TNKS: variants seen among roughly 807,000 people sequenced by gnomAD.
TNKS encodes the protein poly [ADP-ribose] polymerase tankyrase-1.
Under a neutral mutation model 135.8 loss-of-function variants are expected in TNKS, and 72 were observed. The ratio of observed to expected loss-of-function variants is 0.53; its 90% CI spans 0.44 to 0.64. The LOEUF is 0.64. TNKS is among the 30% of genes least tolerant of loss of function. The probability of loss-of-function intolerance (pLI) is 0.00; values close to 1 mark genes in which losing one functional copy is unlikely to be tolerated. For missense variants in TNKS, 1,769 were observed against 1,674.0 expected (o/e 1.06, Z -0.99); for synonymous variants, 849 against 649.3 (o/e 1.31, Z -4.68).
intron 11 of TNKS, among the ~76,000 whole-genome samples, chr8:9,715,540 C>G (rs1321312405): frequency 1.3e-5 from 2 of 151,980 alleles, no homozygotes; most frequent in Non-Finnish European, 2.9e-5. Context: ...CCCAGTACCC[C>G]CCATCTCCTC....
chr8:9,587,303 A>G (rs1425913329), intron 2 of TNKS, among the ~76,000 whole-genome samples: 1 of 152,188 alleles, frequency 6.6e-6, no homozygotes, highest in African/African-American at 2.4e-5. Context: ...TCCCTAAACT[A>G]AGGAATGGGG....
chr8:9,649,260 A>G lies in TNKS; in HGVS notation c.995-30691A>G, dbSNP rs138505654. Among the ~76,000 whole-genome samples, 267 of 152,316 alleles carry G rather than the reference A, an allele frequency of 1.8e-3. 1 individual carries two copies. The highest frequency in any genetic ancestry group is 6.4e-3 in the African/African-American group (265 of 41,566). ...AAAAAGTTTTGACAGCAGTCAGTCA[A>G]CCAATCAAATATGTAGCCGTTTGTG... is the stretch of plus-strand genomic sequence containing the variant. On this transcript the variant is annotated intron_variant, in intron 3 of 26. Transcript: ENST00000310430.
At chr8:9,704,323 T>G (rs1803951583) in intron 5 of TNKS, among the ~76,000 whole-genome samples, 1 of 152,150 alleles carries the variant, frequency 6.6e-6, no homozygotes, top group Admixed American at 6.5e-5. Flanking sequence ...GAAGAATGTT[T>G]CCAATTATAG....
intron 3 of TNKS, among the ~76,000 whole-genome samples, chr8:9,622,990 A>G (rs115298656): frequency 3.9e-5 from 6 of 152,182 alleles, no homozygotes; most frequent in Non-Finnish European, 8.8e-5. Context: ...GAGATTAACA[A>G]CCATACCAAT....
At chr8:9,620,173 C>T (rs1310695427) in intron 3 of TNKS, among the ~76,000 whole-genome samples, 2 of 152,142 alleles carry the variant, frequency 1.3e-5, no homozygotes, top group African/African-American at 2.4e-5. Flanking sequence ...TGGTCTCGAT[C>T]TCCTGACCTC....
intron 5 of TNKS, among the ~76,000 whole-genome samples, chr8:9,684,554 G>C (rs1281361430): frequency 6.6e-6 from 1 of 151,896 alleles, no homozygotes; most frequent in Non-Finnish European, 1.5e-5. Context: ...TAGGGGTTAG[G>C]GACTATTGCA....
intron 2 of TNKS, among the ~76,000 whole-genome samples, chr8:9,581,543 T>C (rs1487177636): frequency 6.6e-6 from 1 of 152,220 alleles, no homozygotes; most frequent in Non-Finnish European, 1.5e-5. Context: ...AAGCCTCTTA[T>C]GTTACTTGCT....
chr8:9,715,367 GC>G (rs67642665), intron 11 of TNKS, among the ~76,000 whole-genome samples: 90,829 of 150,910 alleles, frequency 0.6, 27,499 homozygotes, highest in Middle Eastern at 0.71. Context: ...AGCAGGGGGG[GC>G]GGGTATGATC....
At chr8:9,708,747 C>T (rs1379807449) in intron 9 of TNKS, among the ~76,000 whole-genome samples, 2 of 151,912 alleles carry the variant, frequency 1.3e-5, no homozygotes, top group Non-Finnish European at 2.9e-5. Flanking sequence ...ATAACAAATC[C>T]ACTTTTGTGG....
chr8:9,738,813 C>G (rs1805776668), intron 17 of TNKS, among the ~76,000 whole-genome samples: 1 of 116,380 alleles, frequency 8.6e-6, no homozygotes, highest in Admixed American at 9.4e-5. Context: ...GAGAGCTTTA[C>G]TTCCAACTAT....
chr8:9,624,652 T>A (rs1799989136), intron 3 of TNKS, among the ~76,000 whole-genome samples: 1 of 152,166 alleles, frequency 6.6e-6, no homozygotes, highest in African/African-American at 2.4e-5. Context: ...TTTAACTAGT[T>A]TTTTTAATTA....
intron 3 of TNKS, among the ~76,000 whole-genome samples, chr8:9,621,291 C>A (rs1182796280): frequency 1.4e-5 from 2 of 146,266 alleles, no homozygotes; most frequent in Non-Finnish European, 3.0e-5. Flanking sequence ...GATGTCAAAC[C>A]GAGGCCTTAT....
chr8:9,740,082 A>C (rs1001728573), intron 17 of TNKS, among the ~76,000 whole-genome samples: 14 of 110,460 alleles, frequency 1.3e-4, no homozygotes, highest in African/African-American at 3.9e-4. Flanking sequence ...AAAAAAAAAG[A>C]AAGTCCAGAG....
At chr8:9,688,806 AT>A (rs1267620985) in intron 5 of TNKS, among the ~76,000 whole-genome samples, 2 of 151,928 alleles carry the variant, frequency 1.3e-5, no homozygotes, top group African/African-American at 2.4e-5. Context: ...TACCCAGCTA[AT>A]TTTTTGTATT....
In TNKS at chr8:9,751,646, C is replaced by G; in HGVS notation, c.2870C>G (p.Pro957Arg). 1 of 1,614,082 alleles carries G rather than the reference C, an allele frequency of 6.2e-7. No homozygotes were observed. The highest frequency in any genetic ancestry group is 1.3e-5 in the African/African-American group (1 of 75,010). Residue 957 changes from proline to arginine, a missense_variant, in exon 19 of 27, where the codon CCC (proline) becomes CGC (arginine). By Grantham distance (103) the Pro-to-Arg change is moderately radical (BLOSUM62 -2). This residue lies in a region of TNKS where 722 missense variants were observed against 688.9 expected (regional missense o/e 1.05). Transcript: ENST00000310430. Reference protein sequence around the residue: ...DIRALLIDAMPPEALPTCFKP... With the variant: ...DIRALLIDAMRPEALPTCFKP... The stretch of plus-strand genomic sequence containing the variant: ...AGAGCTTTGCTGATAGATGCCATGC[C>G]CCCAGAGGCCTTACCTACCTGTTTT...
chr8:9,585,327 C>T (rs1320993543), intron 2 of TNKS, among the ~76,000 whole-genome samples: 2 of 151,570 alleles, frequency 1.3e-5, no homozygotes, highest in Admixed American at 6.6e-5. Context: ...AAACCTTACA[C>T]GTGATATGAG....
Position 9,555,994 on chromosome 8 carries a change from C to G in TNKS, c.55C>G (p.Gln19Glu). 2 of 1,613,408 alleles carry G rather than the reference C, an allele frequency of 1.2e-6. No homozygotes were observed. The highest frequency in any genetic ancestry group is 1.7e-6 in the Non-Finnish European group (2 of 1,179,878). ...HHHHHHQQQL[Q>E]PAPGASAPPP... Reference sequence around the variant, plus strand: ...TCACCACCATCATCAACAACAGCTCCAGCCCGCCCCAGGGGCTTCAGCGCC... The same window carrying G: ...TCACCACCATCATCAACAACAGCTCGAGCCCGCCCCAGGGGCTTCAGCGCC... Residue 19 changes from glutamine (Q) to glutamate (E), a missense_variant, in exon 1 of 27, where the codon CAG (glutamine) becomes GAG (glutamate). Around this residue, in one of 5 missense-constraint regions of TNKS, gnomAD observed 450 missense variants for 304.9 expected, o/e 1.48. Coordinates refer to ENST00000310430, the MANE Select transcript of TNKS (RefSeq NM_003747.3).
intron 3 of TNKS, among the ~76,000 whole-genome samples, chr8:9,649,720 G>A (rs1304331492): frequency 2.0e-5 from 3 of 151,376 alleles, no homozygotes; most frequent in African/African-American, 4.9e-5. Context: ...GAGAATACAC[G>A]ATATTTGGTT....
intron 5 of TNKS, among the ~76,000 whole-genome samples, chr8:9,693,109 T>C (rs2128802424): frequency 6.6e-6 from 1 of 152,318 alleles, no homozygotes; most frequent in South Asian, 2.1e-4. Context: ...ATATTTTATT[T>C]TTAGAAGGGA....
Sources: gnomAD v4.1 joint callset for allele counts (sites outside exome capture counted in the v4.1 genomes callset) on GRCh38, gnomAD v4.1.1 for gene constraint, gnomAD v4.1.1 regional missense constraint, MANE v1.5 for transcripts, NCBI Gene and HGNC (gene_info 2026-07-23, HGNC 2026-07-21) for gene names.